Variants in ARHGEF7 observed in about 807,000 individuals in gnomAD.
The protein encoded by ARHGEF7 is PAK-interacting exchange factor beta.
Under a neutral mutation model 109.8 loss-of-function variants are expected in ARHGEF7, and 33 were observed. That is an observed-to-expected ratio of 0.30 (90% CI 0.23 to 0.40). ARHGEF7 has a LOEUF of 0.40. Among genes scored for constraint, ARHGEF7 ranks in the 10% least tolerant of loss-of-function variants. ARHGEF7 has a pLI of 1.00. For synonymous variants in ARHGEF7, 458 were observed against 424.6 expected (o/e 1.08, Z -0.97); for missense variants, 938 against 1,098.5 (o/e 0.85, Z 2.07).
chr13:111,227,562 C>CTACA lies in ARHGEF7; in HGVS notation c.671-5642_671-5639dup, dbSNP rs1212358685. Among the ~76,000 whole-genome samples the CTACA allele has an allele frequency of 1.2e-4, 18 of 152,164 alleles. 1 individual carries two copies. The highest frequency in any genetic ancestry group is 1.2e-3 in the Admixed American group (18 of 15,286). Reference sequence around the variant, plus strand: ...ACAGTGCAATTGCAAACTTAATAGACTACAGTATAGTGTAAACATAGCTTT... The same window carrying CTACA: ...ACAGTGCAATTGCAAACTTAATAGACTACATACAGTATAGTGTAAACATAGCTTT... On this transcript the variant is annotated intron_variant, in intron 5 of 21. Transcript: ENST00000646102.
At chr13:111,127,854 C>T (rs2067681592) in intron 1 of ARHGEF7, among the ~76,000 whole-genome samples, 1 of 151,940 alleles carries the variant, frequency 6.6e-6, no homozygotes, top group Non-Finnish European at 1.5e-5. Context: ...TTCAGCATTA[C>T]ATGTAAAAGA....
At chr13:111,215,102 C>T (rs1278632025) in intron 4 of ARHGEF7, among the ~76,000 whole-genome samples, 2 of 151,446 alleles carry the variant, frequency 1.3e-5, no homozygotes, top group Non-Finnish European at 1.5e-5. Context: ...GTGCATAGTT[C>T]ATCTATATTT....
intron 2 of ARHGEF7, among the ~76,000 whole-genome samples, chr13:111,179,843 A>G (rs920427893): frequency 6.6e-6 from 1 of 152,346 alleles, no homozygotes; most frequent in East Asian, 1.9e-4. Context: ...AATTCTGCAT[A>G]GGTAATACTC....
At chr13:111,296,627 A>C (rs2093434170) in intron 19 of ARHGEF7, among the ~76,000 whole-genome samples, 1 of 152,250 alleles carries the variant, frequency 6.6e-6, no homozygotes, top group African/African-American at 2.4e-5. Flanking sequence ...ATAGATTATA[A>C]GCTGATCTAG....
intron 2 of ARHGEF7, chr13:111,182,331 G>C (rs2078830280): frequency 6.6e-6 from 1 of 152,616 alleles, no homozygotes; most frequent in Middle Eastern, 3.1e-3. Flanking sequence ...CTGAGTTACT[G>C]CCCCGTGTGT....
At position 111,300,780 on chromosome 13, in the gene ARHGEF7, C is replaced by T. The variant is rs1487541640; in HGVS notation, c.2344C>T (p.Leu782Phe). The change falls in exon 20 of 22, where the codon CTT becomes TTT. Residue 782 changes from leucine to phenylalanine, a missense_variant. Transcript: ENST00000646102. Reference protein sequence around the residue: ...SRKESAPQVLLPEEEKIIVEE... With the variant: ...SRKESAPQVLFPEEEKIIVEE... ...CAAAGAATCTGCTCCACAAGTTTTG[C>T]TTCCAGAAGAAGAGAAAATTATAGT... 4.3e-6 allele frequency: 7 copies of T among 1,611,622 alleles called. No homozygotes were observed. The African/African-American group carries it at 5.4e-5, about 12-fold the overall frequency.
rs1485909664 is a variant in ARHGEF7 at position 111,152,201 on chromosome 13, AG to A, written c.166-1703del. On this transcript the variant is annotated intron_variant, in intron 1 of 21. Coordinates refer to ENST00000646102, the MANE Select transcript of ARHGEF7 (RefSeq NM_001354046.2). ...GAAAGAATTAATGTCTGACTTGTTCAGAAACTTTTTAGATGGAGAAATGGGT... is the reference window on the plus strand; with the variant it reads ...GAAAGAATTAATGTCTGACTTGTTCAAAACTTTTTAGATGGAGAAATGGGT... Among the ~76,000 whole-genome samples the A allele has an allele frequency of 9.2e-5, 14 of 152,366 alleles. No individual in the cohort carries two copies. The South Asian group carries it at 2.7e-3, about 29-fold the overall frequency.
At chr13:111,260,356 C>T (rs559312269) in intron 8 of ARHGEF7, among the ~76,000 whole-genome samples, 1 of 152,252 alleles carries the variant, frequency 6.6e-6, no homozygotes, top group South Asian at 2.1e-4. Flanking sequence ...AAGAAAGGAT[C>T]CTAAAAGCAG....
intron 1 of ARHGEF7, among the ~76,000 whole-genome samples, chr13:111,122,021 C>T (rs1036115685): frequency 6.6e-6 from 1 of 152,262 alleles, no homozygotes; most frequent in Admixed American, 6.5e-5. Flanking sequence ...ATTTGAACCT[C>T]AGAGCCATCC....
chr13:111,244,378 C>A, intron 8 of ARHGEF7, 84 bp downstream of exon 8: 1 of 821,218 alleles, frequency 1.2e-6, no homozygotes, highest in Non-Finnish European at 1.9e-6. Flanking sequence ...TTTTAGAATT[C>A]ACATTTCTAA....
At chr13:111,189,776 G>T (rs1245366600) in intron 2 of ARHGEF7, among the ~76,000 whole-genome samples, 1 of 152,180 alleles carries the variant, frequency 6.6e-6, no homozygotes, top group Non-Finnish European at 1.5e-5. Context: ...CCTTTGGCTG[G>T]ACACAGAGCA....
At chr13:111,116,645 GT>G (rs1309275321) in intron 1 of ARHGEF7, 2 of 152,120 alleles carry the variant, frequency 1.3e-5, no homozygotes, top group Non-Finnish European at 2.9e-5. Context: ...AAATTGAAGT[GT>G]ACCATAATTA....
intron 1 of ARHGEF7, 108 bp from the exon 2 acceptor site, chr13:111,153,797 C>T (rs1448801927): frequency 8.6e-6 from 12 of 1,402,336 alleles, no homozygotes; most frequent in Non-Finnish European, 1.1e-5. Flanking sequence ...GGCCGCTCGC[C>T]AGCGTCGCCC....
chr13:111,187,592 A>G (rs543615277), intron 2 of ARHGEF7, among the ~76,000 whole-genome samples: 3 of 152,318 alleles, frequency 2.0e-5, no homozygotes, highest in African/African-American at 7.2e-5. Context: ...TATTTTCATA[A>G]TGTACATTGT....
At chr13:111,280,435 C>T in intron 14 of ARHGEF7, 85 bp downstream of exon 14, 2 of 1,583,516 alleles carry the variant, frequency 1.3e-6, no homozygotes, top group South Asian at 2.3e-5. Context: ...TTGCGTATTT[C>T]AGAAGGTGGT....
intron 2 of ARHGEF7, among the ~76,000 whole-genome samples, chr13:111,200,255 C>A (rs1422767247): frequency 6.6e-6 from 1 of 152,152 alleles, no homozygotes; most frequent in Non-Finnish European, 1.5e-5. Flanking sequence ...CCAAGCCGAG[C>A]CTCCTTTCTC....
intron 8 of ARHGEF7, among the ~76,000 whole-genome samples, chr13:111,250,217 A>G (rs2089558782): frequency 6.6e-6 from 1 of 152,168 alleles, no homozygotes; most frequent in Non-Finnish European, 1.5e-5. Context: ...CCCTTGTGCC[A>G]TTTGCTGCAT....
chr13:111,292,367 G>A (rs945166225), intron 19 of ARHGEF7, 73 bp downstream of exon 19: 2 of 1,591,164 alleles, frequency 1.3e-6, no homozygotes. Context: ...AATGCTTGTT[G>A]TATCGCAGCC....
At chr13:111,240,792 G>A (rs2087630948) in intron 6 of ARHGEF7, among the ~76,000 whole-genome samples, 1 of 152,078 alleles carries the variant, frequency 6.6e-6, no homozygotes, top group Non-Finnish European at 1.5e-5. Context: ...TTAGGATTGG[G>A]ATATGGAAAT....
Sources: gnomAD v4.1 joint callset for allele counts (sites outside exome capture counted in the v4.1 genomes callset) on GRCh38, gnomAD v4.1.1 for gene constraint, MANE v1.5 for transcripts, NCBI Gene and HGNC (gene_info 2026-07-23, HGNC 2026-07-21) for gene names.